UTP20: variants seen among roughly 807,000 people sequenced by gnomAD.
UTP20 encodes small subunit processome component 20 homolog.
A neutral mutation model predicts 329.5 loss-of-function variants in UTP20; 164 were observed. The ratio of observed to expected loss-of-function variants is 0.50; its 90% CI spans 0.44 to 0.57. The LOEUF (loss-of-function observed/expected upper bound fraction) is 0.57. Ranked by LOEUF, UTP20 falls within the 20% of genes least tolerant of loss-of-function variation. The pLI is 0.00. For missense variants in UTP20, 3,055 were observed against 3,284.2 expected (o/e 0.93, Z 1.71); for synonymous variants, 1,151 against 1,159.3 (o/e 0.99, Z 0.14).
At chr12:101,365,072 T>TGTGTG (rs1555202433) in intron 45 of UTP20, among the ~76,000 whole-genome samples, 9 of 141,916 alleles carry the variant, frequency 6.3e-5, no homozygotes, top group South Asian at 2.3e-4. Flanking sequence ...ATTTTGTTGA[T>TGTGTG]TGTGTGTGTG....
chr12:101,345,476 A>G (rs1380988242), intron 36 of UTP20, 78 bp from the exon 37 acceptor site: 17 of 1,000,660 alleles, frequency 1.7e-5, no homozygotes, highest in Non-Finnish European at 2.4e-5. Flanking sequence ...TTAAAATTTT[A>G]TGTTTTTTTC....
At chr12:101,332,140 C>A (rs1457841431) in intron 27 of UTP20, among the ~76,000 whole-genome samples, 1 of 152,032 alleles carries the variant, frequency 6.6e-6, no homozygotes, top group East Asian at 1.9e-4. Context: ...GAGTTCGAGA[C>A]CAGCCTGACC....
At chr12:101,365,072 T>TGTGTGTG (rs1555202433) in intron 45 of UTP20, among the ~76,000 whole-genome samples, 4 of 141,916 alleles carry the variant, frequency 2.8e-5, no homozygotes, top group East Asian at 2.1e-4. Flanking sequence ...ATTTTGTTGA[T>TGTGTGTG]TGTGTGTGTG....
chr12:101,294,288 G>A (rs1420197228), intron 11 of UTP20, among the ~76,000 whole-genome samples: 1 of 151,968 alleles, frequency 6.6e-6, no homozygotes, highest in Non-Finnish European at 1.5e-5. Context: ...GCCTGCCTCG[G>A]CCAGCTATTT....
rs773337152 is a variant in UTP20, at chr12:101,345,528, G to GT, written c.4606-20dup. On this transcript the variant is annotated intron_variant, in intron 36 of 61. Transcript: ENST00000261637. ...AAACAAATTCTTTTTAAAATAAAAT[G>GT]TTTTTTCTCCACTTCATATTTACAG... The GT allele has an allele frequency of 4.4e-6, 6 of 1,378,312 alleles. No individual in the cohort carries two copies. In the Admixed American group the frequency reaches 7.5e-5, roughly 17 times the overall value. 85.4% of individuals were successfully genotyped at this position (1,378,312 alleles called of 1,614,324 possible).
intron 17 of UTP20, among the ~76,000 whole-genome samples, chr12:101,307,765 G>A (rs1872679816): frequency 6.6e-6 from 1 of 152,150 alleles, no homozygotes; most frequent in African/African-American, 2.4e-5. Flanking sequence ...CGGATGGTTA[G>A]GTAGGTTTTG....
intron 22 of UTP20, 103 bp from the exon 23 acceptor site, chr12:101,319,442 G>A (rs1873078047): frequency 1.8e-5 from 13 of 723,294 alleles, no homozygotes; most frequent in South Asian, 1.2e-4. Flanking sequence ...AACTATAGGC[G>A]GGGTGTTTGA....
chr12:101,326,247 G>T (rs1454065552), intron 25 of UTP20, among the ~76,000 whole-genome samples: 1 of 152,054 alleles, frequency 6.6e-6, no homozygotes, highest in Non-Finnish European at 1.5e-5. Flanking sequence ...GTGCAGCACT[G>T]GATACTATAG....
At chr12:101,374,264 A>G (rs1248900023) in intron 54 of UTP20, among the ~76,000 whole-genome samples, 1 of 152,124 alleles carries the variant, frequency 6.6e-6, no homozygotes, top group Non-Finnish European at 1.5e-5. Context: ...AAAAAGTAAT[A>G]TAAAAATCAC....
intron 28 of UTP20, among the ~76,000 whole-genome samples, chr12:101,333,702 C>G (rs1305048953): frequency 6.6e-6 from 1 of 151,816 alleles, no homozygotes; most frequent in Admixed American, 6.6e-5. Flanking sequence ...GCAACTGTAA[C>G]ATAACTGTTT....
At chr12:101,316,306 TTGTG>T (rs1872970106) in intron 21 of UTP20, among the ~76,000 whole-genome samples, 1 of 152,178 alleles carries the variant, frequency 6.6e-6, no homozygotes, top group Non-Finnish European at 1.5e-5. Context: ...TATGGATGCT[TTGTG>T]TGAATTGTTT....
chr12:101,326,870 C>A, intron 25 of UTP20: 1 of 420,776 alleles, frequency 2.4e-6, no homozygotes. Context: ...ACTACAGGCA[C>A]GTAGCACTGC....
chr12:101,382,659 C>T (rs1030857975), intron 58 of UTP20, among the ~76,000 whole-genome samples: 4 of 151,944 alleles, frequency 2.6e-5, no homozygotes, highest in East Asian at 1.9e-4. Context: ...TTGAGACCAG[C>T]CTGGCCAACA....
At chr12:101,363,276 AAAAG>A (rs1869986375) in intron 44 of UTP20, among the ~76,000 whole-genome samples, 1 of 152,226 alleles carries the variant, frequency 6.6e-6, no homozygotes. Context: ...GGTACATCAA[AAAAG>A]AAGTAACTGT....
At position 101,289,012 on chromosome 12, in the gene UTP20, G is replaced by C; in HGVS notation, c.568G>C (p.Ala190Pro). 2 of 1,613,734 alleles carry C rather than the reference G, an allele frequency of 1.2e-6. No homozygotes were observed. The highest frequency in any genetic ancestry group is 1.7e-6 in the Non-Finnish European group (2 of 1,179,836). The change falls in exon 6 of 62, where the codon GCT (alanine) becomes CCT (proline). Residue 190 changes from alanine (A) to proline (P), a missense_variant. This residue lies in a region of UTP20 where 2,445 missense variants were observed against 2,575.5 expected (regional missense o/e 0.95). Transcript: ENST00000261637. ...HKKLHIRNFA[A>P]ESFTFLMRKV... ...AAAACTACATATAAGAAATTTTGCT[G>C]CTGAAAGTTTTACTTTTTTGATGAG...
rs1354025405 is a variant in UTP20 at position 101,353,053 on chromosome 12, A to G, written c.5031A>G (p.Leu1677=). 5 of 1,557,588 alleles carry G rather than the reference A, an allele frequency of 3.2e-6. No individual in the cohort carries two copies. Among genetic ancestry groups the G allele is most frequent in the African/African-American group, 1.4e-5 (1 of 73,940 alleles). Residue 1677 remains leucine, a synonymous_variant, in exon 40 of 62, where the codon CTA becomes CTG. Transcript: ENST00000261637. The part of the protein sequence containing the change: ...QINQKLGVSL[L]VIVLEAFHFD... ...ATACTTTTTTTTTTAACAGTTTGCTAGTAATAGTGTTAGAAGCATTCCACT... is the reference window on the plus strand; with the variant it reads ...ATACTTTTTTTTTTAACAGTTTGCTGGTAATAGTGTTAGAAGCATTCCACT...
rs1276702472 is a variant in UTP20, at chr12:101,344,621, T to C, written c.4476T>C (p.Asn1492=). The part of the protein sequence containing the change: ...LELGDMSLSD[N]ASMCLMSIIK... ...TAGGAGATATGAGTTTAAGTGATAATGCCAGCATGTGCCTGATGAGTATCA... is the reference window on the plus strand; with the variant it reads ...TAGGAGATATGAGTTTAAGTGATAACGCCAGCATGTGCCTGATGAGTATCA... Residue 1492 remains asparagine (N), a synonymous_variant, in exon 36 of 62, where the codon AAT becomes AAC. Coordinates refer to ENST00000261637, the MANE Select transcript of UTP20 (RefSeq NM_014503.3). 8.9e-7 allele frequency: 1 copy of C among 1,126,750 alleles called. No individual in the cohort carries two copies. The highest frequency in any genetic ancestry group is 1.2e-5 in the South Asian group (1 of 81,454). The allele number at this position is 1,126,750 out of a possible 1,614,324, so 69.8% of individuals were successfully genotyped here.
Position 101,334,392 on chromosome 12 carries a change from A to G in UTP20, c.3562-33A>G, listed in dbSNP as rs757736498. ...GGTTTTTCTATAATTTGGTATATGT[A>G]TTTGGTATTCTGTTTTTTACTTTGT... On this transcript the variant is annotated intron_variant, in intron 28 of 61. Coordinates refer to ENST00000261637, the MANE Select transcript of UTP20 (RefSeq NM_014503.3). 4 of 1,579,476 alleles carry G rather than the reference A, an allele frequency of 2.5e-6. No homozygotes were observed. In the South Asian group the frequency reaches 4.5e-5, roughly 18 times the overall value.
At chr12:101,301,202 G>C (rs1872512685) in intron 14 of UTP20, among the ~76,000 whole-genome samples, 1 of 152,184 alleles carries the variant, frequency 6.6e-6, no homozygotes, top group African/African-American at 2.4e-5. Context: ...CTCTGGGCCA[G>C]AGACTAAATG....
Sources: allele counts gnomAD v4.1 joint callset (sites outside exome capture counted in the v4.1 genomes callset), GRCh38; gene constraint gnomAD v4.1.1; regional missense constraint gnomAD v4.1.1; transcripts MANE v1.5; gene names NCBI Gene and HGNC (gene_info 2026-07-23, HGNC 2026-07-21).